The following PARD3B variants were observed in gnomAD, a reference collection of about 807,000 sequenced individuals.
The protein encoded by PARD3B is partitioning defective 3 homolog B.
In PARD3B, 103 loss-of-function variants were observed where a neutral mutation model predicts 130.2. The ratio of observed to expected loss-of-function variants is 0.79; its 90% CI spans 0.67 to 0.93. The LOEUF (loss-of-function observed/expected upper bound fraction) is 0.93, where lower values mean the gene tolerates loss of function less well. PARD3B is among the 40% of genes least tolerant of loss of function. The probability of loss-of-function intolerance (pLI) is 0.00; values close to 1 mark genes in which losing one functional copy is unlikely to be tolerated. For missense variants in PARD3B, 1,609 were observed against 1,499.2 expected, an observed-to-expected ratio of 1.07 and a Z score of -1.21; for synonymous variants, 583 against 553.2, an observed-to-expected ratio of 1.05 and a Z score of -0.76.
intron 1 of PARD3B, among the ~76,000 whole-genome samples, chr2:204,608,986 T>C (rs2033829164): frequency 6.6e-6 from 1 of 152,214 alleles, no homozygotes; most frequent in Admixed American, 6.5e-5. Context: ...GCTATTCAGG[T>C]AATACCCTGT....
chr2:204,640,230 T>C (rs1169928755), intron 1 of PARD3B, among the ~76,000 whole-genome samples: 3 of 152,142 alleles, frequency 2.0e-5, no homozygotes, highest in Non-Finnish European at 4.4e-5. Context: ...CATTGCAACC[T>C]GTGCAACAGA....
At chr2:205,389,210 A>G (rs1574892061) in intron 18 of PARD3B, among the ~76,000 whole-genome samples, 1 of 152,176 alleles carries the variant, frequency 6.6e-6, no homozygotes, top group South Asian at 2.1e-4. Context: ...TTACACAATA[A>G]AAAGAGATAT....
At chr2:205,212,484 G>A (rs550118263) in intron 15 of PARD3B, among the ~76,000 whole-genome samples, 3 of 152,234 alleles carry the variant, frequency 2.0e-5, no homozygotes, top group African/African-American at 7.2e-5. Flanking sequence ...TAAAGGTGAT[G>A]TGCAACAGCC....
At chr2:205,436,572 A>T (rs1398881657) in intron 19 of PARD3B, among the ~76,000 whole-genome samples, 7 of 152,042 alleles carry the variant, frequency 4.6e-5, no homozygotes. Context: ...CTTCTACGGA[A>T]GTTTTTTTTA....
Position 205,460,324 on chromosome 2 carries a change from T to G in PARD3B, c.3044+19652T>G, listed in dbSNP as rs950555924. 2.0e-5 allele frequency among the ~76,000 whole-genome samples: 3 copies of G among 151,958 alleles called. No homozygotes were observed. Among genetic ancestry groups the G allele is most frequent in the Non-Finnish European group, 2.9e-5 (2 of 68,010 alleles). ...TATATCAGATAAAGGATGCCCAGAA[T>G]TTGCTCAGATGTGAGTTTCAGGATC... On this transcript the variant is annotated intron_variant, in intron 20 of 22. Transcript: ENST00000406610. This position sits in a 1 kb window ranked among gnomAD's most constrained non-coding sequence, Gnocchi z 4.9.
At chr2:205,296,878 A>ATTT (rs1559632658) in intron 16 of PARD3B, among the ~76,000 whole-genome samples, 68 of 138,482 alleles carry the variant, frequency 4.9e-4, no homozygotes, top group African/African-American at 1.9e-3. Flanking sequence ...CATCTTTTTA[A>ATTT]AAAAAAAAAA....
intron 22 of PARD3B, among the ~76,000 whole-genome samples, chr2:205,581,396 AATATATATAT>A (rs59154581): frequency 0.49 from 71,081 of 144,606 alleles, 17,839 homozygotes; most frequent in East Asian, 0.6. Flanking sequence ...AATATATATA[AATATATATAT>A]AAGTATATAT....
intron 1 of PARD3B, among the ~76,000 whole-genome samples, chr2:204,599,143 G>A (rs1268986281): frequency 6.6e-6 from 1 of 151,680 alleles, no homozygotes; most frequent in Non-Finnish European, 1.5e-5. Context: ...ATCAGATCAG[G>A]GTAATTAGTA....
Position 205,185,793 on chromosome 2 carries a change from G to C in PARD3B, c.1954G>C (p.Glu652Gln). ...GLLLPNDGWA[E>Q]SEVPPSPTPH... ...ATTGCTGCCCAATGACGGATGGGCCGAGAGTGAAGTTCCACCTTCTCCAAC... is the reference window on the plus strand; with the variant it reads ...ATTGCTGCCCAATGACGGATGGGCCCAGAGTGAAGTTCCACCTTCTCCAAC... Residue 652 changes from glutamate to glutamine, a missense_variant, in exon 14 of 23, where the codon GAG (glutamate) becomes CAG (glutamine). Coordinates refer to ENST00000406610, the MANE Select transcript of PARD3B (RefSeq NM_001302769.2). 1 of 1,614,052 alleles carries C rather than the reference G, an allele frequency of 6.2e-7. No individual in the cohort carries two copies. Among genetic ancestry groups the C allele is most frequent in the Non-Finnish European group, 8.5e-7 (1 of 1,179,922 alleles).
chr2:204,978,066 T>G (rs1324995340), intron 3 of PARD3B, among the ~76,000 whole-genome samples: 1 of 152,212 alleles, frequency 6.6e-6, no homozygotes, highest in Non-Finnish European at 1.5e-5. Context: ...TGATCCTTCC[T>G]GATGGCTACA....
intron 1 of PARD3B, among the ~76,000 whole-genome samples, chr2:204,680,585 T>G (rs2036780767): frequency 1.3e-5 from 2 of 152,104 alleles, no homozygotes; most frequent in East Asian, 1.9e-4. Flanking sequence ...TGGATTTCAT[T>G]AGCTGTTTTT....
chr2:205,217,311 G>C (rs1371097975), intron 15 of PARD3B, among the ~76,000 whole-genome samples: 1 of 152,210 alleles, frequency 6.6e-6, no homozygotes, highest in Non-Finnish European at 1.5e-5. Flanking sequence ...TAGTTAGGCA[G>C]AATTTCTGAG....
At chr2:205,368,147 G>A (rs1478464325) in intron 18 of PARD3B, among the ~76,000 whole-genome samples, 1 of 152,062 alleles carries the variant, frequency 6.6e-6, no homozygotes, top group African/African-American at 2.4e-5. Flanking sequence ...TTAAATGGGG[G>A]ACAAAATAGC....
chr2:205,576,323 T>C (rs1194590706), intron 22 of PARD3B, among the ~76,000 whole-genome samples: 4 of 151,968 alleles, frequency 2.6e-5, no homozygotes, highest in Non-Finnish European at 4.4e-5. Flanking sequence ...GGTGGCTTTT[T>C]TTTTTTTCAT....
chr2:205,158,725 G>A lies in PARD3B; in HGVS notation c.1438G>A (p.Gly480Arg). The A allele has an allele frequency of 6.2e-7, 1 of 1,609,554 alleles. No homozygotes were observed. The highest frequency in any genetic ancestry group is 8.5e-7 in the Non-Finnish European group (1 of 1,178,180). Residue 480 changes from glycine (G) to arginine (R), a missense_variant, in exon 11 of 23, where the codon GGA becomes AGA. Transcript: ENST00000406610. The surrounding 1 kb of genome is among the most constrained non-coding windows in gnomAD (Gnocchi z 5.4). ...TTCATGTGTATTCCCCTAACAGAAA[G>A]GAGAACCTGACTGCTGTGCACTCTC... ...EGHFLPRELK[G>R]EPDCCALSLE... is the part of the protein sequence containing the mutation.
intron 2 of PARD3B, among the ~76,000 whole-genome samples, chr2:204,734,901 T>A (rs1394642984): frequency 2.6e-5 from 4 of 151,956 alleles, no homozygotes; most frequent in African/African-American, 9.7e-5. Context: ...AAATTAGTCC[T>A]CAGTATAATT....
intron 2 of PARD3B, among the ~76,000 whole-genome samples, chr2:204,933,886 TATA>T (rs2125783345): frequency 6.6e-6 from 1 of 152,328 alleles, no homozygotes; most frequent in Admixed American, 6.5e-5. Context: ...TACTCTCCCT[TATA>T]ATTACAGCTT....
intron 20 of PARD3B, among the ~76,000 whole-genome samples, chr2:205,491,695 G>T (rs115076565): frequency 5.9e-4 from 90 of 152,236 alleles, no homozygotes; most frequent in African/African-American, 2.1e-3. Context: ...ACAAGTCTTC[G>T]AGCTATAGGA....
At chr2:205,123,870 A>G (rs2031063095) in intron 8 of PARD3B, among the ~76,000 whole-genome samples, 1 of 152,146 alleles carries the variant, frequency 6.6e-6, no homozygotes, top group Non-Finnish European at 1.5e-5. Context: ...AGGAACAACA[A>G]GATGCTTGCT....
Sources: gnomAD v4.1 joint callset for allele counts (sites outside exome capture counted in the v4.1 genomes callset) on GRCh38, gnomAD v4.1.1 for gene constraint, Gnocchi (gnomAD v3.1) non-coding constraint, MANE v1.5 for transcripts, NCBI Gene and HGNC (gene_info 2026-07-23, HGNC 2026-07-21) for gene names.